The following UBR4 variants were observed in gnomAD, a reference collection of about 807,000 sequenced individuals.
UBR4 encodes ubiquitin protein ligase E3 component n-recognin 4.
Under a neutral mutation model 575.6 loss-of-function variants are expected in UBR4, and 124 were observed. The observed-to-expected ratio is 0.22, with a 90% CI of 0.19 to 0.25. UBR4 has a LOEUF of 0.25. UBR4 is among the 10% of genes least tolerant of loss of function. UBR4 has a pLI of 1.00. For synonymous variants in UBR4, 2,455 were observed against 2,473.7 expected (o/e 0.99, Z 0.22); for missense variants, 4,818 against 6,478.8 (o/e 0.74, Z 8.80).
At chr1:19,144,351 T>G (rs1328098895) in intron 54 of UBR4, among the ~76,000 whole-genome samples, 2 of 152,240 alleles carry the variant, frequency 1.3e-5, no homozygotes, top group Non-Finnish European at 2.9e-5. Context: ...TGAGGCCATT[T>G]TGGCCCCTTA....
chr1:19,092,337 A>T (rs936830378), intron 97 of UBR4, among the ~76,000 whole-genome samples: 2 of 149,544 alleles, frequency 1.3e-5, no homozygotes, highest in African/African-American at 4.9e-5. Context: ...ACTTTGATTT[A>T]AAAAAAAAAC....
chr1:19,113,485 T>G, intron 77 of UBR4: 1 of 667,230 alleles, frequency 1.5e-6, no homozygotes, highest in African/African-American at 1.8e-5. Context: ...GTATGTTCAG[T>G]TATCTAGCAT....
chr1:19,142,897 G>A (rs1029218384), intron 55 of UBR4, among the ~76,000 whole-genome samples: 21 of 151,966 alleles, frequency 1.4e-4, no homozygotes, highest in Non-Finnish European at 2.4e-4. Flanking sequence ...CGAGGCGGGC[G>A]GATCATTTGA....
chr1:19,119,852 T>C (rs2080981503), intron 69 of UBR4, 151 bp from the exon 70 acceptor site: 2 of 1,106,224 alleles, frequency 1.8e-6, no homozygotes, highest in South Asian at 1.6e-5. Flanking sequence ...TCCTACCAGA[T>C]GCAGCATAGT....
At chr1:19,174,892 G>A (rs2090055560) in intron 21 of UBR4, 62 bp downstream of exon 21, 22 of 1,476,414 alleles carry the variant, frequency 1.5e-5, no homozygotes, top group Non-Finnish European at 2.1e-5. Flanking sequence ...CCCCCCAGTA[G>A]GCTGATTCTG....
At chr1:19,142,816 T>C (rs2084105444) in intron 55 of UBR4, among the ~76,000 whole-genome samples, 1 of 152,214 alleles carries the variant, frequency 6.6e-6, no homozygotes, top group Non-Finnish European at 1.5e-5. Flanking sequence ...CTTTATAATA[T>C]TGCTATTAGA....
chr1:19,121,853 G>A (rs1313457607), intron 67 of UBR4, 81 bp downstream of exon 67: 11 of 1,466,424 alleles, frequency 7.5e-6, no homozygotes, highest in Non-Finnish European at 1.0e-5. Flanking sequence ...CCAGCATCCA[G>A]TTCAGTGCTT....
intron 97 of UBR4, among the ~76,000 whole-genome samples, chr1:19,090,495 T>A (rs1006722905): frequency 4.6e-5 from 7 of 152,178 alleles, no homozygotes; most frequent in Non-Finnish European, 7.3e-5. Context: ...TGGAAGGCTT[T>A]AAGCTCTCTT....
intron 8 of UBR4, among the ~76,000 whole-genome samples, chr1:19,195,316 T>A (rs528132266): frequency 2.7e-5 from 4 of 148,586 alleles, no homozygotes; most frequent in African/African-American, 9.9e-5. Flanking sequence ...TTTCAAAAAA[T>A]TAAAAATAAA....
intron 75 of UBR4, among the ~76,000 whole-genome samples, chr1:19,114,275 A>G (rs2080228208): frequency 6.6e-6 from 1 of 152,256 alleles, no homozygotes; most frequent in Admixed American, 6.5e-5. Flanking sequence ...TGTGATATAT[A>G]ATAATACAAT....
At chr1:19,142,997 C>T (rs928412960) in intron 55 of UBR4, among the ~76,000 whole-genome samples, 2 of 151,500 alleles carry the variant, frequency 1.3e-5, no homozygotes, top group Non-Finnish European at 2.9e-5. Flanking sequence ...TGGCACGCGC[C>T]TATAATCCCA....
At chr1:19,193,322 T>C in intron 9 of UBR4, 111 bp downstream of exon 9, 3 of 1,437,812 alleles carry the variant, frequency 2.1e-6, no homozygotes, top group South Asian at 1.3e-5. Flanking sequence ...CCAGGGAAAG[T>C]AGTGTGGAGA....
intron 83 of UBR4, among the ~76,000 whole-genome samples, chr1:19,106,066 A>AGGAG (rs543214463): frequency 2.6e-4 from 40 of 152,356 alleles, no homozygotes; most frequent in African/African-American, 9.4e-4. Flanking sequence ...CTTCTCCATC[A>AGGAG]GGAGATGTGA....
chr1:19,159,734 C>T (rs1025150760), intron 39 of UBR4, among the ~76,000 whole-genome samples: 1 of 151,788 alleles, frequency 6.6e-6, no homozygotes, highest in African/African-American at 2.4e-5. Context: ...GTAGCTGGGA[C>T]TATAGTTGCT....
Position 19,156,240 on chromosome 1 carries a change from G to C in UBR4, c.6072+31C>G, listed in dbSNP as rs772861947. On this transcript the variant is annotated intron_variant, in intron 42 of 105. Coordinates refer to ENST00000375254, the MANE Select transcript of UBR4 (RefSeq NM_020765.3). ...TGGATTTAAAAGTAGAAAAATTCTA[G>C]GACCATATCATCAAAGAACTGTAAC... The C allele has an allele frequency of 1.9e-6, 3 of 1,608,786 alleles. No individual in the cohort carries two copies. In the South Asian group the frequency reaches 3.3e-5, roughly 18 times the overall value.
chr1:19,112,185 C>A, intron 78 of UBR4: 1 of 263,158 alleles, frequency 3.8e-6, no homozygotes. Flanking sequence ...CTCTTAATCT[C>A]CAGGCCCCAC....
Position 19,094,002 on chromosome 1 carries a change from C to T in UBR4, c.13884G>A (p.Val4628=), listed in dbSNP as rs2077783717. 41 of 1,614,088 alleles carry T rather than the reference C, an allele frequency of 2.5e-5. No individual in the cohort carries two copies. The highest frequency in any genetic ancestry group is 3.4e-5 in the Non-Finnish European group (40 of 1,179,998). Residue 4628 remains valine (V), a synonymous_variant, in exon 95 of 106, where the codon GTG becomes GTA. Transcript: ENST00000375254. ...RIIPYLSFGE[V]EKMQILVERF... is the part of the protein sequence containing the mutation. ...GCTCCACCAAGATCTGCATTTTCTC[C>T]ACCTCTCCAAAGGAAAGGTACGGGA...
At chr1:19,082,974 G>A (rs535731388) in intron 102 of UBR4, among the ~76,000 whole-genome samples, 10 of 152,316 alleles carry the variant, frequency 6.6e-5, no homozygotes, top group African/African-American at 2.2e-4. Flanking sequence ...AGTCTGGGCC[G>A]AGAAGCAAGG....
Position 19,170,845 on chromosome 1 carries a change from G to C in UBR4, c.3560C>G (p.Thr1187Ser). The C allele has an allele frequency of 6.2e-7, 1 of 1,614,192 alleles. No homozygotes were observed. The highest frequency in any genetic ancestry group is 8.5e-7 in the Non-Finnish European group (1 of 1,180,032). ...LLQNFNEEGT[T>S]EKPSKEKLQG... is the part of the protein sequence containing the mutation. The stretch of plus-strand genomic sequence containing the variant: ...CAGTTTCTCCTTGGAAGGTTTCTCA[G>C]TTGTTCCCTCTTCATTAAAGTTTTG... The change falls in exon 26 of 106, where the codon ACT becomes AGT. Residue 1187 changes from threonine (T) to serine (S), a missense_variant. Thr to Ser is a moderately conservative substitution (Grantham distance 58). Around this residue, in one of 29 missense-constraint regions of UBR4, gnomAD observed 1,172 missense variants for 1,259.7 expected, o/e 0.93. Coordinates refer to ENST00000375254, the MANE Select transcript of UBR4 (RefSeq NM_020765.3).
Sources: gnomAD v4.1 joint callset for allele counts (sites outside exome capture counted in the v4.1 genomes callset) on GRCh38, gnomAD v4.1.1 for gene constraint, gnomAD v4.1.1 regional missense constraint, MANE v1.5 for transcripts, NCBI Gene and HGNC (gene_info 2026-07-23, HGNC 2026-07-21) for gene names.